TYW3: variants seen among roughly 807,000 people sequenced by gnomAD.
The protein encoded by TYW3 is tRNA wybutosine-synthesizing protein 3 homolog.
A neutral mutation model predicts 23.1 loss-of-function variants in TYW3; 26 were observed. The observed-to-expected ratio is 1.13, with a 90% CI of 0.83 to 1.56. The LOEUF (loss-of-function observed/expected upper bound fraction) is 1.56. Among genes scored for constraint, TYW3 ranks in the 40% most tolerant of loss-of-function variants. The probability of loss-of-function intolerance (pLI) is 0.00; values close to 1 mark genes in which losing one functional copy is unlikely to be tolerated. For missense variants in TYW3, 316 were observed against 311.9 expected, an observed-to-expected ratio of 1.01 and a Z score of -0.10; for synonymous variants, 102 against 105.7, an observed-to-expected ratio of 0.97 and a Z score of 0.21.
At chr1:74,762,023 C>T (rs373752219) in intron 5 of TYW3, among the ~76,000 whole-genome samples, 4 of 152,044 alleles carry the variant, frequency 2.6e-5, no homozygotes, top group South Asian at 2.1e-4. Context: ...ATGTATGTCA[C>T]GCATCTCAGT....
chr1:74,736,869 G>A (rs1208624203), intron 2 of TYW3, among the ~76,000 whole-genome samples: 1 of 152,080 alleles, frequency 6.6e-6, no homozygotes, highest in Non-Finnish European at 1.5e-5. Flanking sequence ...CATGGATATT[G>A]GACACCTATT....
intron 2 of TYW3, among the ~76,000 whole-genome samples, chr1:74,737,856 C>T (rs1024886134): frequency 3.3e-5 from 5 of 152,156 alleles, no homozygotes; most frequent in Admixed American, 6.5e-5. Flanking sequence ...AGAGACTACA[C>T]AAGATCTAGC....
intron 2 of TYW3, among the ~76,000 whole-genome samples, chr1:74,737,565 A>T (rs2100754211): frequency 6.6e-6 from 1 of 152,314 alleles, no homozygotes; most frequent in South Asian, 2.1e-4. Flanking sequence ...TGACAGCCCC[A>T]CCAGAAATCA....
intron 1 of TYW3, among the ~76,000 whole-genome samples, chr1:74,734,768 ATC>A (rs1308602606): frequency 6.6e-6 from 1 of 152,158 alleles, no homozygotes; most frequent in Non-Finnish European, 1.5e-5. Flanking sequence ...AATAAAAAGT[ATC>A]TGCTTTATAG....
intron 1 of TYW3, among the ~76,000 whole-genome samples, chr1:74,735,047 C>T (rs993390972): frequency 6.6e-6 from 1 of 152,228 alleles, no homozygotes; most frequent in Admixed American, 6.5e-5. Flanking sequence ...CAAACTCTCT[C>T]TTGCCCCATT....
chr1:74,756,661 A>T (rs1029584441), intron 5 of TYW3, among the ~76,000 whole-genome samples: 1 of 152,202 alleles, frequency 6.6e-6, no homozygotes, highest in Non-Finnish European at 1.5e-5. Flanking sequence ...TGACAATGTG[A>T]TAGAAAAGAA....
intron 3 of TYW3, among the ~76,000 whole-genome samples, chr1:74,745,181 T>G (rs1648513485): frequency 6.6e-6 from 1 of 152,076 alleles, no homozygotes; most frequent in Non-Finnish European, 1.5e-5. Context: ...CCGCAGTGAG[T>G]GTTACAGCTC....
intron 5 of TYW3, among the ~76,000 whole-genome samples, chr1:74,761,138 A>G (rs1426825054): frequency 6.6e-6 from 1 of 151,986 alleles, no homozygotes; most frequent in African/African-American, 2.4e-5. Flanking sequence ...ACTTTTGAAA[A>G]TCAGGCTTAA....
chr1:74,744,981 AC>A (rs1212881700), intron 3 of TYW3, among the ~76,000 whole-genome samples: 1 of 151,674 alleles, frequency 6.6e-6, no homozygotes, highest in Non-Finnish European at 1.5e-5. Context: ...AGTGAGTGTT[AC>A]AGCTCTTAAA....
At chr1:74,756,530 G>C (rs1330693324) in intron 5 of TYW3, among the ~76,000 whole-genome samples, 1 of 152,186 alleles carries the variant, frequency 6.6e-6, no homozygotes, top group Non-Finnish European at 1.5e-5. Context: ...TGAGAGAGAT[G>C]ATTTAGGGTA....
chr1:74,740,473 G>C (rs114848141), intron 3 of TYW3, among the ~76,000 whole-genome samples: 2,138 of 152,238 alleles, frequency 0.014, 53 homozygotes, highest in African/African-American at 0.049. Context: ...GCTGGCTCGG[G>C]TGGACAGTTT....
chr1:74,740,076 G>A (rs1313726441), intron 3 of TYW3, among the ~76,000 whole-genome samples: 2 of 152,194 alleles, frequency 1.3e-5, no homozygotes, highest in East Asian at 3.8e-4. Flanking sequence ...TGGTCTCGCT[G>A]ACTTCAAGAA....
intron 2 of TYW3, among the ~76,000 whole-genome samples, chr1:74,737,773 T>A (rs550335567): frequency 8.5e-5 from 13 of 152,308 alleles, no homozygotes; most frequent in African/African-American, 3.1e-4. Flanking sequence ...GACTAGTACC[T>A]GACTCAAGGT....
chr1:74,765,125 T>TGGTGTGAAA lies in TYW3; in HGVS notation c.*1012_*1013insGGTGTGAAA, dbSNP rs1649257399. On this transcript the variant is annotated 3_prime_UTR_variant, in exon 6 of 6. Coordinates refer to ENST00000370867, the MANE Select transcript of TYW3 (RefSeq NM_138467.3). ...TAGGAATCTTTATTTTTCACACAAC[T>TGGTGTGAAA]CATCCAAGTGGTTCTGATAAAATCA... The TGGTGTGAAA allele has an allele frequency of 6.6e-6, 1 of 152,098 alleles. No homozygotes were observed. Among genetic ancestry groups the TGGTGTGAAA allele is most frequent in the Admixed American group, 6.6e-5 (1 of 15,262 alleles). The allele number at this position is 152,098 out of a possible 1,614,324, so 9.4% of individuals were successfully genotyped here. A position where few individuals can be genotyped will look rare whatever the true frequency, so the allele number is the denominator to read the frequency against.
chr1:74,749,277 A>T (rs952758952), intron 4 of TYW3, among the ~76,000 whole-genome samples: 2 of 152,186 alleles, frequency 1.3e-5, no homozygotes, highest in African/African-American at 4.8e-5. Context: ...ATGGGGCAGG[A>T]TCCCACTATA....
At chr1:74,748,597 C>A in intron 3 of TYW3, 154 bp from the exon 4 acceptor site, 1 of 640,148 alleles carries the variant, frequency 1.6e-6, no homozygotes. Flanking sequence ...TGATCAAAGT[C>A]ATTTTTAAGC....
chr1:74,759,303 A>G (rs1649056684), intron 5 of TYW3, among the ~76,000 whole-genome samples: 1 of 152,188 alleles, frequency 6.6e-6, no homozygotes, highest in South Asian at 2.1e-4. Flanking sequence ...AAGGAGGACT[A>G]AAGAATAAGA....
chr1:74,764,266 G>A lies in TYW3; in HGVS notation c.*153G>A. On this transcript the variant is annotated 3_prime_UTR_variant, in exon 6 of 6. Coordinates refer to ENST00000370867, the MANE Select transcript of TYW3 (RefSeq NM_138467.3). ...TCAAACTATAACTTTGTTGCCCAGA[G>A]GATGTGCAGTTGTCATCTAAGCTCT... 1.6e-6 allele frequency: 1 copy of A among 637,730 alleles called. No individual in the cohort carries two copies. The highest frequency in any genetic ancestry group is 2.6e-6 in the Non-Finnish European group (1 of 385,732). 39.5% of individuals were successfully genotyped at this position (637,730 alleles called of 1,614,324 possible). A position where few individuals can be genotyped will look rare whatever the true frequency, so the allele number is the denominator to read the frequency against.
At position 74,764,002 on chromosome 1, in the gene TYW3, C is replaced by A. The variant is rs755215710; in HGVS notation, c.669C>A (p.Asn223Lys). 2.5e-6 allele frequency: 4 copies of A among 1,610,678 alleles called. No individual in the cohort carries two copies. Among genetic ancestry groups the A allele is most frequent in the Admixed American group, 3.4e-5 (2 of 59,444 alleles). Residue 223 changes from asparagine (N) to lysine (K), a missense_variant, in exon 6 of 6, where the codon AAC becomes AAA. Physicochemically the swap from Asn to Lys is moderately conservative, Grantham distance 94. Coordinates refer to ENST00000370867, the MANE Select transcript of TYW3 (RefSeq NM_138467.3). ...NSSYIHKKKR[N>K]PEKTRAQCIT... Reference sequence around the variant, plus strand: ...CATATATTCATAAGAAAAAAAGAAACCCAGAAAAAACACGTGCCCAGTGTA... The same window carrying A: ...CATATATTCATAAGAAAAAAAGAAAACCAGAAAAAACACGTGCCCAGTGTA...
Sources: allele counts gnomAD v4.1 joint callset (sites outside exome capture counted in the v4.1 genomes callset), GRCh38; gene constraint gnomAD v4.1.1; transcripts MANE v1.5; gene names NCBI Gene and HGNC (gene_info 2026-07-23, HGNC 2026-07-21).